Variants in PKHD1 observed in about 807,000 individuals in gnomAD.
The protein encoded by PKHD1 is fibrocystin.
PKHD1 carries 291 observed loss-of-function variants against 412.0 expected under a neutral mutation model. The observed-to-expected ratio is 0.71, with a 90% CI of 0.64 to 0.78. The LOEUF (loss-of-function observed/expected upper bound fraction) is 0.78, where lower values mean the gene tolerates loss of function less well. PKHD1 is among the 30% of genes least tolerant of loss of function. The pLI, the probability that PKHD1 is intolerant of heterozygous loss-of-function variation, is 0.00. For missense variants in PKHD1, 4,825 were observed against 4,950.7 expected (o/e 0.97, Z 0.76); for synonymous variants, 1,777 against 1,821.5 (o/e 0.98, Z 0.62).
chr6:52,009,479 A>G (rs1466603316), intron 35 of PKHD1, among the ~76,000 whole-genome samples: 2 of 152,230 alleles, frequency 1.3e-5, no homozygotes, highest in Non-Finnish European at 2.9e-5. Flanking sequence ...TAGGCACTCA[A>G]TAAATGTTTG....
At chr6:51,966,696 A>C (rs1792857478) in intron 35 of PKHD1, among the ~76,000 whole-genome samples, 1 of 152,150 alleles carries the variant, frequency 6.6e-6, no homozygotes. Flanking sequence ...ACAAATGTTT[A>C]TTGAGCACCC....
At chr6:51,898,342 A>G (rs1780512584) in intron 43 of PKHD1, among the ~76,000 whole-genome samples, 1 of 147,638 alleles carries the variant, frequency 6.8e-6, no homozygotes, top group Non-Finnish European at 1.5e-5. Context: ...ATCAAACTAG[A>G]ACTCAGGATT....
Position 51,792,029 on chromosome 6 carries a change from T to C in PKHD1, c.8303-656A>G, listed in dbSNP as rs549331201. On this transcript the variant is annotated intron_variant, in intron 52 of 66. Transcript: ENST00000371117. ...CATGCTTAATAAACGCTTGATGTTA[T>C]TATTTTTACTGTTGTCCCTTAGCTT... is the stretch of plus-strand genomic sequence containing the variant. Among the ~76,000 whole-genome samples, 21 of 152,350 alleles carry C rather than the reference T, an allele frequency of 1.4e-4. 1 individual carries two copies. The highest frequency in any genetic ancestry group is 1.1e-3 in the Admixed American group (17 of 15,308).
At position 51,627,199 on chromosome 6, in the gene PKHD1, C is replaced by A. The variant is rs545921678; in HGVS notation, c.11666-83G>T. On this transcript the variant is annotated intron_variant, in intron 65 of 66. Transcript: ENST00000371117. ...CATTTAGGTGTTTCCCTTGTATGTA[C>A]CCTTGTCCCAAAATTATCATACACA... 1.2e-5 allele frequency: 15 copies of A among 1,225,134 alleles called. No individual in the cohort carries two copies. In the East Asian group the frequency reaches 2.8e-4, roughly 23 times the overall value. 75.9% of individuals were successfully genotyped at this position (1,225,134 alleles called of 1,614,324 possible). A position where few individuals can be genotyped will look rare whatever the true frequency, so the allele number is the denominator to read the frequency against.
intron 66 of PKHD1, among the ~76,000 whole-genome samples, chr6:51,623,827 T>C (rs1392770851): frequency 2.0e-5 from 3 of 152,176 alleles, no homozygotes; most frequent in Non-Finnish European, 4.4e-5. Context: ...CCTCAGGTGA[T>C]CTGTCCACTT....
chr6:51,659,996 T>C (rs1310868521), intron 60 of PKHD1, 27 bp from the exon 61 acceptor site: 2 of 1,349,032 alleles, frequency 1.5e-6, no homozygotes, highest in Non-Finnish European at 2.1e-6. Flanking sequence ...GCAAAACAAG[T>C]GATATATGAA....
At position 52,058,506 on chromosome 6, in the gene PKHD1, C is replaced by T. The variant is rs776681350; in HGVS notation, c.1329G>A (p.Lys443=). 1 of 1,614,200 alleles carries T rather than the reference C, an allele frequency of 6.2e-7. No homozygotes were observed. The highest frequency in any genetic ancestry group is 2.2e-5 in the East Asian group (1 of 44,882). Reference sequence around the variant, plus strand: ...ACATGGCTCCACCCAACAGCTCCAACTTGGGAGTCTTCTGCTGCCAGGTCC... The same window carrying T: ...ACATGGCTCCACCCAACAGCTCCAATTTGGGAGTCTTCTGCTGCCAGGTCC... ...DEGTWQQKTP[K]LELLGGAMYY... Residue 443 remains lysine (K), a synonymous_variant, in exon 16 of 67, where the codon AAG becomes AAA. Coordinates refer to ENST00000371117, the MANE Select transcript of PKHD1 (RefSeq NM_138694.4).
intron 37 of PKHD1, among the ~76,000 whole-genome samples, chr6:51,923,164 A>G (rs754937395): frequency 3.5e-4 from 54 of 152,186 alleles, no homozygotes; most frequent in Non-Finnish European, 5.7e-4. Flanking sequence ...TTTTTAGCCT[A>G]TGGTTGAATA....
intron 60 of PKHD1, among the ~76,000 whole-genome samples, chr6:51,715,593 T>G (rs1781162156): frequency 6.6e-6 from 1 of 152,090 alleles, no homozygotes; most frequent in Admixed American, 6.5e-5. Flanking sequence ...AATTGGGAAA[T>G]GGGTTTTGGT....
In PKHD1 at chr6:51,748,512, C is replaced by A. The variant is rs1392568229; in HGVS notation, c.9104G>T (p.Gly3035Val). ...GGGIHAAASH[G>V]VLLNDNIVFG... is the part of the protein sequence containing the mutation. Reference sequence around the variant, plus strand: ...CACAATATTGTCATTTAAAAGTACTCCATGACTGGCAGCTGCATGAATGCC... The same window carrying A: ...CACAATATTGTCATTTAAAAGTACTACATGACTGGCAGCTGCATGAATGCC... Residue 3035 changes from glycine to valine, a missense_variant, in exon 58 of 67, where the codon GGA becomes GTA. Coordinates refer to ENST00000371117, the MANE Select transcript of PKHD1 (RefSeq NM_138694.4). 2 of 1,613,912 alleles carry A rather than the reference C, an allele frequency of 1.2e-6. No homozygotes were observed. The highest frequency in any genetic ancestry group is 1.7e-6 in the Non-Finnish European group (2 of 1,179,936).
chr6:52,069,904 T>C (rs929588371), intron 10 of PKHD1, among the ~76,000 whole-genome samples: 1 of 152,184 alleles, frequency 6.6e-6, no homozygotes, highest in Non-Finnish European at 1.5e-5. Flanking sequence ...GTCACTGTCA[T>C]TACAAGGCAA....
chr6:51,710,968 C>A (rs936267973), intron 60 of PKHD1, among the ~76,000 whole-genome samples: 1 of 152,148 alleles, frequency 6.6e-6, no homozygotes, highest in Admixed American at 6.5e-5. Flanking sequence ...TGTGCTACTT[C>A]AAATCTTCTT....
At chr6:51,821,491 G>C (rs1766417911) in intron 52 of PKHD1, among the ~76,000 whole-genome samples, 1 of 152,180 alleles carries the variant, frequency 6.6e-6, no homozygotes, top group East Asian at 1.9e-4. Context: ...GCCACTGTCG[G>C]TATTCCAGAA....
chr6:51,948,884 G>C (rs1354543892), intron 36 of PKHD1, among the ~76,000 whole-genome samples: 1 of 152,198 alleles, frequency 6.6e-6, no homozygotes, highest in East Asian at 1.9e-4. Context: ...AGAGCCTTAA[G>C]AACTGTTAAA....
chr6:51,781,970 A>C (rs1275683696), intron 53 of PKHD1, among the ~76,000 whole-genome samples: 1 of 151,904 alleles, frequency 6.6e-6, no homozygotes, highest in Non-Finnish European at 1.5e-5. Context: ...ACTAAAAAAA[A>C]AAATCATTCA....
chr6:51,842,948 C>G (rs1181918134), intron 50 of PKHD1, among the ~76,000 whole-genome samples: 1 of 152,252 alleles, frequency 6.6e-6, no homozygotes, highest in Non-Finnish European at 1.5e-5. Context: ...GAGGCATTAT[C>G]AGGCCCCAGT....
chr6:51,701,502 A>G (rs1178151502), intron 60 of PKHD1, among the ~76,000 whole-genome samples: 2 of 152,128 alleles, frequency 1.3e-5, no homozygotes, highest in Non-Finnish European at 2.9e-5. Context: ...GCTCATGTTT[A>G]CATTGCATTT....
chr6:51,820,982 G>A (rs148917936), intron 52 of PKHD1, among the ~76,000 whole-genome samples: 27 of 152,234 alleles, frequency 1.8e-4, no homozygotes, highest in Admixed American at 2.6e-4. Flanking sequence ...ATGAGAACAC[G>A]TGAAAAAAGC....
At chr6:51,762,086 G>A (rs1356350712) in intron 55 of PKHD1, among the ~76,000 whole-genome samples, 1 of 151,952 alleles carries the variant, frequency 6.6e-6, no homozygotes, top group Non-Finnish European at 1.5e-5. Flanking sequence ...CCATCATCAT[G>A]TGTTACCCAA....
Sources: allele counts gnomAD v4.1 joint callset (sites outside exome capture counted in the v4.1 genomes callset), GRCh38; gene constraint gnomAD v4.1.1; transcripts MANE v1.5; gene names NCBI Gene and HGNC (gene_info 2026-07-23, HGNC 2026-07-21).